RAP1GAP: variants seen among roughly 807,000 people sequenced by gnomAD.
RAP1GAP encodes rap1 GTPase-activating protein 1.
In RAP1GAP, 35 loss-of-function variants were observed where a neutral mutation model predicts 87.2. That is an observed-to-expected ratio of 0.40 (90% CI 0.31 to 0.53). RAP1GAP has a LOEUF of 0.53. RAP1GAP is among the 20% of genes least tolerant of loss of function. RAP1GAP has a pLI of 0.48. For missense variants in RAP1GAP, 734 were observed against 898.9 expected (o/e 0.82, Z 2.35); for synonymous variants, 375 against 363.9 (o/e 1.03, Z -0.35).
chr1:21,597,865 G>T (rs996503109), intron 23 of RAP1GAP, 96 bp downstream of exon 23: 7 of 1,500,646 alleles, frequency 4.7e-6, no homozygotes, highest in Non-Finnish European at 2.7e-6. Flanking sequence ...GGCCTAGGGG[G>T]ACCTCTTGGT....
Position 21,665,537 on chromosome 1 carries a change from T to C in RAP1GAP, c.-149+3717A>G, listed in dbSNP as rs115223039. ...CAAAGCAGGAGTATCATGTTTTGCT[T>C]CCTTTCTTGCAGTAGGAAAGGCTGG... On this transcript the variant is annotated intron_variant, in intron 1 of 24. Coordinates refer to ENST00000374765, the MANE Select transcript of RAP1GAP (RefSeq NM_002885.4). Among the ~76,000 whole-genome samples the C allele has an allele frequency of 9.4e-3, 1,439 of 152,326 alleles. 30 individuals carry two copies. Among genetic ancestry groups the C allele is most frequent in the African/African-American group, 0.032 (1,345 of 41,564 alleles).
chr1:21,623,026 A>G (rs2089819402), intron 3 of RAP1GAP: 1 of 152,418 alleles, frequency 6.6e-6, no homozygotes, highest in African/African-American at 2.4e-5. Flanking sequence ...AGTGGAATCC[A>G]GAGAAAGGCC....
At chr1:21,652,199 C>T (rs2096634235) in intron 1 of RAP1GAP, among the ~76,000 whole-genome samples, 1 of 150,468 alleles carries the variant, frequency 6.6e-6, no homozygotes, top group South Asian at 2.1e-4. Flanking sequence ...CGCTCCTCGG[C>T]GGATCCGTCC....
intron 5 of RAP1GAP, among the ~76,000 whole-genome samples, chr1:21,618,310 G>A (rs1033689447): frequency 1.3e-5 from 2 of 152,146 alleles, no homozygotes; most frequent in Admixed American, 1.3e-4. Context: ...AGGTGGCACC[G>A]ACGCTGCTGG....
At chr1:21,655,021 T>C (rs1183234592) in intron 1 of RAP1GAP, among the ~76,000 whole-genome samples, 1 of 151,446 alleles carries the variant, frequency 6.6e-6, no homozygotes, top group Non-Finnish European at 1.5e-5. Flanking sequence ...GCACCTGTAG[T>C]CCCAGCTACT....
chr1:21,647,775 TA>T (rs1465523155), intron 2 of RAP1GAP, among the ~76,000 whole-genome samples: 1 of 152,030 alleles, frequency 6.6e-6, no homozygotes, highest in Non-Finnish European at 1.5e-5. Flanking sequence ...GGAGGCATTC[TA>T]AAGAGGGAAT....
chr1:21,627,039 C>G (rs939941486), intron 2 of RAP1GAP: 12 of 455,852 alleles, frequency 2.6e-5, no homozygotes, highest in Non-Finnish European at 5.3e-5. Context: ...GGACTCTCTG[C>G]CCACACCACA....
rs2076893669 is a variant in RAP1GAP, at chr1:21,609,515, A to G, written c.1071+60T>C. The G allele has an allele frequency of 9.8e-7, 1 of 1,024,108 alleles. No homozygotes were observed. Among genetic ancestry groups the G allele is most frequent in the Non-Finnish European group, 1.4e-6 (1 of 734,788 alleles). The allele number at this position is 1,024,108 out of a possible 1,614,324, so 63.4% of individuals were successfully genotyped here. A position where few individuals can be genotyped will look rare whatever the true frequency, so the allele number is the denominator to read the frequency against. On this transcript the variant is annotated intron_variant, in intron 15 of 24. Coordinates refer to ENST00000374765, the MANE Select transcript of RAP1GAP (RefSeq NM_002885.4). The surrounding 1 kb of genome is among the most constrained non-coding windows in gnomAD (Gnocchi z 4.4). ...ACCTCATAAGGCAGAATGTGTATGC[A>G]CCCCCCAGGCCCCCACCCATTTGTC...
chr1:21,603,130 G>C lies in RAP1GAP; in HGVS notation c.1429-217C>G. 1 of 557,672 alleles carries C rather than the reference G, an allele frequency of 1.8e-6. No individual in the cohort carries two copies. Among genetic ancestry groups the C allele is most frequent in the Non-Finnish European group, 3.2e-6 (1 of 310,840 alleles). The allele number at this position is 557,672 out of a possible 1,614,324, so 34.5% of individuals were successfully genotyped here. A position where few individuals can be genotyped will look rare whatever the true frequency, so the allele number is the denominator to read the frequency against. On this transcript the variant is annotated intron_variant, in intron 18 of 24. Transcript: ENST00000374765. This position sits in a 1 kb window ranked among gnomAD's most constrained non-coding sequence, Gnocchi z 6.0. ...GGGCTCTCCCGAGCTCACACGGCAG[G>C]ACTGCACGTCAATACTGGCCCAGGA...
intron 7 of RAP1GAP, among the ~76,000 whole-genome samples, chr1:21,614,954 T>C (rs2081056802): frequency 6.6e-6 from 1 of 152,180 alleles, no homozygotes; most frequent in Non-Finnish European, 1.5e-5. Context: ...CAGGAGCAGA[T>C]AGAGGCAGGG....
rs763338563 is a variant in RAP1GAP, at chr1:21,651,748, GCGCCC to G, written c.-148-1957_-148-1953del. The G allele has an allele frequency of 3.5e-6, 5 of 1,425,038 alleles. No individual in the cohort carries two copies. In the Admixed American group the frequency reaches 7.0e-5, roughly 20 times the overall value. 88.3% of individuals were successfully genotyped at this position (1,425,038 alleles called of 1,614,324 possible). A position where few individuals can be genotyped will look rare whatever the true frequency, so the allele number is the denominator to read the frequency against. On this transcript the variant is annotated intron_variant, in intron 1 of 24. Transcript: ENST00000374765. ...CGCGTGCACACGCACACGCGCGCACGCGCCCCGCCCCGCGCCGCGCCACGCCCTAC... is the reference window on the plus strand; with the variant it reads ...CGCGTGCACACGCACACGCGCGCACGCGCCCCGCGCCGCGCCACGCCCTAC...
chr1:21,633,085 T>C (rs2094080895), intron 2 of RAP1GAP, among the ~76,000 whole-genome samples: 1 of 152,208 alleles, frequency 6.6e-6, no homozygotes, highest in Admixed American at 6.5e-5. Context: ...TGTACCCACC[T>C]CATAGAGTTG....
chr1:21,606,968 G>T (rs1346059176), intron 17 of RAP1GAP, among the ~76,000 whole-genome samples: 1 of 152,218 alleles, frequency 6.6e-6, no homozygotes, highest in Non-Finnish European at 1.5e-5. Context: ...GACCCCACCT[G>T]TCCTGTCTCC....
chr1:21,613,893 C>A lies in RAP1GAP; in HGVS notation c.395+93G>T. 2 of 1,250,580 alleles carry A rather than the reference C, an allele frequency of 1.6e-6. No individual in the cohort carries two copies. Among genetic ancestry groups the A allele is most frequent in the Non-Finnish European group, 1.1e-6 (1 of 881,684 alleles). The allele number at this position is 1,250,580 out of a possible 1,614,324, so 77.5% of individuals were successfully genotyped here. A position where few individuals can be genotyped will look rare whatever the true frequency, so the allele number is the denominator to read the frequency against. On this transcript the variant is annotated intron_variant, in intron 8 of 24. Transcript: ENST00000374765. The surrounding 1 kb of genome is among the most constrained non-coding windows in gnomAD (Gnocchi z 4.7). ...AAGCAAATCCCTGCCCCTCTATGGG[C>A]CTTGATGAAGAGAGTGGGTCAAATG...
At chr1:21,599,110 A>G (rs10917023) in intron 21 of RAP1GAP, among the ~76,000 whole-genome samples, 13,406 of 152,298 alleles carry the variant, frequency 0.088, 739 homozygotes, top group African/African-American at 0.15. Context: ...CCAGCCTGGC[A>G]AAGAAAGGAG....
chr1:21,638,433 G>T (rs2095144601), intron 2 of RAP1GAP, among the ~76,000 whole-genome samples: 1 of 149,486 alleles, frequency 6.7e-6, no homozygotes. Flanking sequence ...CTCCAGCCTG[G>T]GCGACAGAGC....
chr1:21,649,584 C>T (rs1043656788), intron 2 of RAP1GAP, among the ~76,000 whole-genome samples, 177 bp downstream of exon 2: 5 of 152,126 alleles, frequency 3.3e-5, no homozygotes, highest in African/African-American at 1.2e-4. Context: ...GCCTCCAAGG[C>T]TCTCTAAAAA....
chr1:21,626,974 C>T (rs760436316), intron 2 of RAP1GAP: 19 of 456,616 alleles, frequency 4.2e-5, no homozygotes, highest in South Asian at 7.7e-5. Flanking sequence ...AGAGGTCACA[C>T]GGCTGGCCGG....
intron 6 of RAP1GAP, 76 bp downstream of exon 6, chr1:21,617,858 G>T: frequency 6.3e-7 from 1 of 1,589,472 alleles, no homozygotes; most frequent in Non-Finnish European, 8.6e-7. Context: ...TAAGGAGGAG[G>T]ACCTGGTATC....
Sources: allele counts gnomAD v4.1 joint callset (sites outside exome capture counted in the v4.1 genomes callset), GRCh38; gene constraint gnomAD v4.1.1; non-coding constraint Gnocchi (gnomAD v3.1); transcripts MANE v1.5; gene names NCBI Gene and HGNC (gene_info 2026-07-23, HGNC 2026-07-21).